The following PTDSS1 variants were observed in gnomAD, a reference collection of about 807,000 sequenced individuals.
PTDSS1 encodes the protein phosphatidylserine synthase 1.
In PTDSS1, 45 loss-of-function variants were observed where a neutral mutation model predicts 70.5. The ratio of observed to expected loss-of-function variants is 0.64; its 90% CI spans 0.50 to 0.82. PTDSS1 has a LOEUF of 0.82. PTDSS1 is among the 40% of genes least tolerant of loss of function. The probability of loss-of-function intolerance (pLI) is 0.00; values close to 1 mark genes in which losing one functional copy is unlikely to be tolerated. For synonymous variants in PTDSS1, 188 were observed against 203.8 expected (o/e 0.92, Z 0.66); for missense variants, 417 against 586.1 (o/e 0.71, Z 2.98).
intron 9 of PTDSS1, among the ~76,000 whole-genome samples, chr8:96,318,949 C>G (rs975144351): frequency 8.4e-6 from 1 of 118,756 alleles, no homozygotes; most frequent in Non-Finnish European, 1.6e-5. Context: ...CTCACTCTGT[C>G]GCCCAGGCTG....
chr8:96,328,259 C>T (rs866417379), intron 10 of PTDSS1, among the ~76,000 whole-genome samples: 1 of 152,208 alleles, frequency 6.6e-6, no homozygotes, highest in African/African-American at 2.4e-5. Flanking sequence ...CTAACCCCCC[C>T]AGTCCGCTGT....
chr8:96,325,073 A>G (rs921907340), intron 10 of PTDSS1, among the ~76,000 whole-genome samples: 2 of 152,190 alleles, frequency 1.3e-5, no homozygotes, highest in Non-Finnish European at 2.9e-5. Flanking sequence ...GGTGCCTACT[A>G]TGTGCCAGAG....
intron 1 of PTDSS1, among the ~76,000 whole-genome samples, chr8:96,271,784 G>A (rs559663053): frequency 6.6e-6 from 1 of 152,302 alleles, no homozygotes; most frequent in East Asian, 1.9e-4. Flanking sequence ...TACCATGAGT[G>A]AGGCTGACCA....
At chr8:96,285,151 T>C (rs986430955) in intron 3 of PTDSS1, among the ~76,000 whole-genome samples, 4 of 152,294 alleles carry the variant, frequency 2.6e-5, no homozygotes, top group Middle Eastern at 3.4e-3. Flanking sequence ...GGTGTCTGGT[T>C]TAGCTTGAGG....
chr8:96,266,030 A>G (rs1317636558), intron 1 of PTDSS1, among the ~76,000 whole-genome samples: 1 of 152,268 alleles, frequency 6.6e-6, no homozygotes, highest in Non-Finnish European at 1.5e-5. Context: ...AGCTCAGAGT[A>G]TAATAATTAC....
chr8:96,297,281 C>T (rs1293791041), intron 5 of PTDSS1, among the ~76,000 whole-genome samples: 3 of 152,120 alleles, frequency 2.0e-5, no homozygotes, highest in African/African-American at 7.2e-5. Context: ...TGGGCTCAAG[C>T]GATTCTCTTG....
chr8:96,279,913 T>G (rs1374454480), intron 2 of PTDSS1, among the ~76,000 whole-genome samples: 1 of 152,162 alleles, frequency 6.6e-6, no homozygotes, highest in East Asian at 1.9e-4. Context: ...TTCTCAAATT[T>G]TCCTAGAAGA....
intron 10 of PTDSS1, among the ~76,000 whole-genome samples, chr8:96,323,627 G>T (rs1338387705): frequency 6.6e-6 from 1 of 152,174 alleles, no homozygotes; most frequent in Non-Finnish European, 1.5e-5. Context: ...CCCGTGGAGG[G>T]CTCCCCAGGC....
chr8:96,274,650 G>A (rs1205315159), intron 2 of PTDSS1, among the ~76,000 whole-genome samples: 12 of 152,164 alleles, frequency 7.9e-5, no homozygotes, highest in Admixed American at 7.2e-4. Context: ...GTTTGAACCC[G>A]GGAGGCGGAG....
chr8:96,278,965 A>C (rs1444518169), intron 2 of PTDSS1, among the ~76,000 whole-genome samples: 2 of 133,488 alleles, frequency 1.5e-5, no homozygotes, highest in African/African-American at 3.4e-5. Context: ...AACACCATTC[A>C]GCCCCCCTTT....
intron 9 of PTDSS1, among the ~76,000 whole-genome samples, chr8:96,316,938 G>A (rs1012013510): frequency 6.6e-6 from 1 of 152,054 alleles, no homozygotes; most frequent in Non-Finnish European, 1.5e-5. Context: ...AGGTTGCAGT[G>A]AGCTGAGATT....
At chr8:96,297,024 T>C (rs1310002210) in intron 5 of PTDSS1, among the ~76,000 whole-genome samples, 4 of 152,222 alleles carry the variant, frequency 2.6e-5, no homozygotes, top group South Asian at 4.1e-4. Context: ...CAGTCGTCCA[T>C]TGACGTCTCT....
At chr8:96,295,929 C>T (rs958069147) in intron 5 of PTDSS1, among the ~76,000 whole-genome samples, 1 of 151,702 alleles carries the variant, frequency 6.6e-6, no homozygotes, top group Non-Finnish European at 1.5e-5. Context: ...GTTAATGTGC[C>T]TCTCACTGTT....
chr8:96,290,728 C>G (rs1169406282), intron 4 of PTDSS1, among the ~76,000 whole-genome samples: 1 of 151,954 alleles, frequency 6.6e-6, no homozygotes, highest in African/African-American at 2.4e-5. Flanking sequence ...AGTCCCTACT[C>G]TCTCCACTCC....
intron 6 of PTDSS1, among the ~76,000 whole-genome samples, chr8:96,301,502 TTTTG>T (rs1345639457): frequency 2.0e-5 from 3 of 152,094 alleles, no homozygotes; most frequent in Admixed American, 6.6e-5. Flanking sequence ...CTTCTAGTTC[TTTTG>T]TTTTTTTGTT....
rs553722973 is a variant in PTDSS1, at chr8:96,315,366, CTCCATG to C, written c.1074-4873_1074-4868del. Among the ~76,000 whole-genome samples, 253 of 152,320 alleles carry C rather than the reference CTCCATG, an allele frequency of 1.7e-3. 1 individual carries two copies. The highest frequency in any genetic ancestry group is 5.7e-3 in the African/African-American group (236 of 41,564). Reference sequence around the variant, plus strand: ...GGGATGCAGCAGCCAGGTACCCGGCCTCCATGTCCATGGCATTCCTGTGGCATCCTC... The same window carrying C: ...GGGATGCAGCAGCCAGGTACCCGGCCTCCATGGCATTCCTGTGGCATCCTC... On this transcript the variant is annotated intron_variant, in intron 9 of 12. Coordinates refer to ENST00000517309, the MANE Select transcript of PTDSS1 (RefSeq NM_014754.3).
intron 2 of PTDSS1, among the ~76,000 whole-genome samples, chr8:96,276,386 G>T (rs966889706): frequency 6.6e-6 from 1 of 152,206 alleles, no homozygotes; most frequent in Non-Finnish European, 1.5e-5. Flanking sequence ...GTTGACTTCA[G>T]CTGCTCAATC....
At chr8:96,314,789 G>T (rs1040226550) in intron 9 of PTDSS1, among the ~76,000 whole-genome samples, 2 of 152,014 alleles carry the variant, frequency 1.3e-5, no homozygotes, top group Non-Finnish European at 2.9e-5. Context: ...GTAGAGACGG[G>T]GTTTCACCAT....
chr8:96,278,244 A>G (rs1810678042), intron 2 of PTDSS1, among the ~76,000 whole-genome samples: 1 of 152,236 alleles, frequency 6.6e-6, no homozygotes, highest in African/African-American at 2.4e-5. Context: ...ACCAGTTCCA[A>G]GGACAGAAAT....
Sources: gnomAD v4.1 joint callset for allele counts (sites outside exome capture counted in the v4.1 genomes callset) on GRCh38, gnomAD v4.1.1 for gene constraint, MANE v1.5 for transcripts, NCBI Gene and HGNC (gene_info 2026-07-23, HGNC 2026-07-21) for gene names.